Variants in MGST1 observed in about 807,000 individuals in gnomAD.
The protein encoded by MGST1 is glutathione S-transferase 12.
MGST1 carries 5 observed loss-of-function variants against 8.9 expected under a neutral mutation model. The ratio of observed to expected loss-of-function variants is 0.56; its 90% CI spans 0.29 to 1.19. The LOEUF (loss-of-function observed/expected upper bound fraction) is 1.19, where lower values mean the gene tolerates loss of function less well. MGST1 is among the 50% of genes most tolerant of loss of function. The probability of loss-of-function intolerance (pLI) is 0.08; values close to 1 mark genes in which losing one functional copy is unlikely to be tolerated. For missense variants in MGST1, 182 were observed against 187.4 expected (o/e 0.97, Z 0.17); for synonymous variants, 54 against 67.8 (o/e 0.80, Z 1.00).
chr12:16,489,500 C>T (rs1941423218), intron 4 of MGST1, among the ~76,000 whole-genome samples: 1 of 152,160 alleles, frequency 6.6e-6, no homozygotes, highest in African/African-American at 2.4e-5. Flanking sequence ...GTCAGCCTTG[C>T]AAAGTATTCA....
exon 4 of MGST1, chr12:16,376,931 T>C (rs1379199078): frequency 6.6e-6 from 1 of 152,134 alleles, no homozygotes; most frequent in Non-Finnish European, 1.5e-5. Context: ...ATAATTACTA[T>C]ACTGTTCTCA....
In MGST1 at chr12:16,479,535, C is replaced by CTT. The variant is rs71054820; in HGVS notation, n.482+95946_482+95947dup. ...AGGCGTGAGCCACTGCGCCCGGCCT[C>CTT]TTTTTTTTTTTTTTTTGAGACAGGG... On this transcript the variant is annotated intron_variant and non_coding_transcript_variant, in intron 4 of 4. Coordinates refer to the MGST1 transcript ENST00000538857. 9.3e-3 allele frequency among the ~76,000 whole-genome samples: 1,049 copies of CTT among 113,062 alleles called. 72 individuals are homozygous for CTT. In the East Asian group the frequency reaches 0.16, roughly 17 times the overall value. 74.2% of individuals were successfully genotyped at this position (113,062 alleles called of 152,430 possible). A position where few individuals can be genotyped will look rare whatever the true frequency, so the allele number is the denominator to read the frequency against.
At chr12:16,464,314 T>C (rs1941240627) in intron 4 of MGST1, among the ~76,000 whole-genome samples, 1 of 152,212 alleles carries the variant, frequency 6.6e-6, no homozygotes, top group Non-Finnish European at 1.5e-5. Context: ...AAGCTTCATC[T>C]TTCTTTTCTC....
rs539469859 is a variant in MGST1 at position 16,362,320 on chromosome 12, A to G, written c.222-1475A>G. 2.5e-4 allele frequency among the ~76,000 whole-genome samples: 38 copies of G among 151,504 alleles called. No homozygotes were observed. Among genetic ancestry groups the G allele is most frequent in the Non-Finnish European group, 4.1e-4 (28 of 68,016 alleles). On this transcript the variant is annotated intron_variant, in intron 3 of 3. Coordinates refer to ENST00000396210, the MANE Select transcript of MGST1 (RefSeq NM_020300.5). The surrounding 1 kb of genome is among the most constrained non-coding windows in gnomAD (Gnocchi z 4.4). ...CATCCTCTCTTTGCTTTTATTCTGTATTGAAGCCTTTTCAAATCATTACTT... is the reference window on the plus strand; with the variant it reads ...CATCCTCTCTTTGCTTTTATTCTGTGTTGAAGCCTTTTCAAATCATTACTT...
rs1376268290 is a variant in MGST1 at position 16,482,633 on chromosome 12, A to G, written n.482+99029A>G. ...GTTACAGAGCAAGACTCTGTCTGGAAGAAAAAAAAAAAAGAGTGAGAACAT... is the reference window on the plus strand; with the variant it reads ...GTTACAGAGCAAGACTCTGTCTGGAGGAAAAAAAAAAAAGAGTGAGAACAT... On this transcript the variant is annotated intron_variant and non_coding_transcript_variant, in intron 4 of 4. Coordinates refer to the MGST1 transcript ENST00000538857. This position sits in a 1 kb window ranked among gnomAD's most constrained non-coding sequence, Gnocchi z 4.2. Among the ~76,000 whole-genome samples the G allele has an allele frequency of 1.1e-5, 1 of 87,540 alleles. No homozygotes were observed. The highest frequency in any genetic ancestry group is 2.9e-5 in the Non-Finnish European group (1 of 34,354). 57.4% of individuals were successfully genotyped at this position (87,540 alleles called of 152,430 possible). A position where few individuals can be genotyped will look rare whatever the true frequency, so the allele number is the denominator to read the frequency against.
intron 1 of MGST1, among the ~76,000 whole-genome samples, chr12:16,428,561 A>G (rs1204465794): frequency 6.6e-6 from 1 of 151,782 alleles, no homozygotes; most frequent in Non-Finnish European, 1.5e-5. Context: ...CAACAATTTC[A>G]CTGATATTGC....
rs2137568585 is a variant in MGST1, at chr12:16,584,917, A to G, written n.483-4611A>G. On this transcript the variant is annotated intron_variant and non_coding_transcript_variant, in intron 4 of 4. Transcript: ENST00000538857. The surrounding 1 kb of genome is among the most constrained non-coding windows in gnomAD (Gnocchi z 5.2). ...AACACCTTAGCGAACTGTACACATT[A>G]AAGGGCCTGATCAGTTATCTGAAAC... Among the ~76,000 whole-genome samples, 1 of 152,322 alleles carries G rather than the reference A, an allele frequency of 6.6e-6. No individual in the cohort carries two copies. Among genetic ancestry groups the G allele is most frequent in the South Asian group, 2.1e-4 (1 of 4,826 alleles).
Position 16,401,425 on chromosome 12 carries a change from G to A in MGST1, n.778+17821G>A, listed in dbSNP as rs2137063004. The A allele has an allele frequency of 2.2e-6, 2 of 905,798 alleles. No homozygotes were observed. The highest frequency in any genetic ancestry group is 1.3e-5 in the South Asian group (1 of 76,422). 56.1% of individuals were successfully genotyped at this position (905,798 alleles called of 1,614,324 possible). A position where few individuals can be genotyped will look rare whatever the true frequency, so the allele number is the denominator to read the frequency against. On this transcript the variant is annotated intron_variant and non_coding_transcript_variant, in intron 1 of 1. Transcript: ENST00000359720. This position sits in a 1 kb window ranked among gnomAD's most constrained non-coding sequence, Gnocchi z 4.3. ...CAGGAGTTCTGGCTTCTGCTTTTTA[G>A]CCACGTCCATGACAGCATTATATAC...
intron 4 of MGST1, among the ~76,000 whole-genome samples, chr12:16,462,513 G>T (rs908253702): frequency 1.3e-5 from 2 of 150,772 alleles, no homozygotes; most frequent in Non-Finnish European, 3.0e-5. Context: ...ATGTATAAAT[G>T]CATTAATATT....
chr12:16,516,263 C>T (rs1565467848), intron 4 of MGST1, among the ~76,000 whole-genome samples: 1 of 152,128 alleles, frequency 6.6e-6, no homozygotes. Flanking sequence ...TTACTTTAAC[C>T]CACTATATTT....
intron 1 of MGST1, among the ~76,000 whole-genome samples, chr12:16,431,401 C>T (rs567598053): frequency 6.6e-6 from 1 of 152,114 alleles, no homozygotes; most frequent in African/African-American, 2.4e-5. Context: ...ATATGCCTTC[C>T]TCACTGAACT....
At chr12:16,348,526 A>C (rs1320519054) in intron 1 of MGST1, among the ~76,000 whole-genome samples, 8 of 152,168 alleles carry the variant, frequency 5.3e-5, no homozygotes, top group African/African-American at 1.7e-4. Flanking sequence ...GAAATGTGGC[A>C]GTCTGAGCTC....
chr12:16,464,636 A>G (rs1408279703), intron 4 of MGST1, among the ~76,000 whole-genome samples: 1 of 152,220 alleles, frequency 6.6e-6, no homozygotes, highest in African/African-American at 2.4e-5. Flanking sequence ...ACTCACCTAT[A>G]TTACTGTAAC....
chr12:16,526,444 T>C (rs964986405), intron 4 of MGST1, among the ~76,000 whole-genome samples: 1 of 151,986 alleles, frequency 6.6e-6, no homozygotes, highest in Non-Finnish European at 1.5e-5. Flanking sequence ...TAAACTTTCA[T>C]TTGTGATTAT....
Position 16,586,774 on chromosome 12 carries a change from T to G in MGST1, n.483-2754T>G, listed in dbSNP as rs1445391843. On this transcript the variant is annotated intron_variant and non_coding_transcript_variant, in intron 4 of 4. Transcript: ENST00000538857. This position sits in a 1 kb window ranked among gnomAD's most constrained non-coding sequence, Gnocchi z 4.3. The stretch of plus-strand genomic sequence containing the variant: ...CTAAGCTCCTGTGGCTCAGATTATT[T>G]ATTGCATTACTTTTGTAACCTTTCT... Among the ~76,000 whole-genome samples, 1 of 152,212 alleles carries G rather than the reference T, an allele frequency of 6.6e-6. No individual in the cohort carries two copies. Among genetic ancestry groups the G allele is most frequent in the African/African-American group, 2.4e-5 (1 of 41,452 alleles).
chr12:16,591,095 A>C (rs1311056970), downstream of MGST1, among the ~76,000 whole-genome samples: 3 of 152,036 alleles, frequency 2.0e-5, no homozygotes, highest in African/African-American at 7.2e-5. The surrounding 1 kb of genome is among the most constrained non-coding windows in gnomAD (Gnocchi z 4.1). Context: ...TCTAGGGGAC[A>C]TTTAGAAATG....
chr12:16,589,694 G>A (rs1302736524), downstream of MGST1: 1 of 152,002 alleles, frequency 6.6e-6, no homozygotes, highest in Non-Finnish European at 1.5e-5. The surrounding 1 kb of genome is among the most constrained non-coding windows in gnomAD (Gnocchi z 4.2). Flanking sequence ...TCAAGATCAA[G>A]CAACTTTTCT....
At chr12:16,567,197 AAAACAAACAAAC>A (rs145977478) in intron 4 of MGST1, among the ~76,000 whole-genome samples, 4 of 151,448 alleles carry the variant, frequency 2.6e-5, no homozygotes, top group South Asian at 2.1e-4. Context: ...ACTCCACCTC[AAAACAAACAAAC>A]AAACAAACAA....
exon 4 of MGST1, chr12:16,376,826 T>C (rs1940387994): frequency 6.6e-6 from 1 of 152,138 alleles, no homozygotes; most frequent in East Asian, 1.9e-4. Flanking sequence ...TAATATCATC[T>C]GTATATTAGA....
Sources: allele counts gnomAD v4.1 joint callset (sites outside exome capture counted in the v4.1 genomes callset), GRCh38; gene constraint gnomAD v4.1.1; non-coding constraint Gnocchi (gnomAD v3.1); transcripts MANE v1.5; gene names NCBI Gene and HGNC (gene_info 2026-07-23, HGNC 2026-07-21).